USH2A: variants seen among roughly 807,000 people sequenced by gnomAD.
USH2A encodes usherin, also known as Usher syndrome 2A (autosomal recessive, mild).
USH2A carries 443 observed loss-of-function variants against 538.9 expected under a neutral mutation model. The observed-to-expected ratio is 0.82, with a 90% confidence interval of 0.76 to 0.89. USH2A has a LOEUF of 0.89. USH2A is among the 40% of genes least tolerant of loss of function. The pLI is 0.00. For synonymous variants in USH2A, 2,413 were observed against 2,273.5 expected, an observed-to-expected ratio of 1.06 and a Z score of -1.75; for missense variants, 6,633 against 6,324.8, an observed-to-expected ratio of 1.05 and a Z score of -1.65.
chr1:215,991,796 C>G (rs569172735), intron 35 of USH2A, among the ~76,000 whole-genome samples: 1 of 152,284 alleles, frequency 6.6e-6, no homozygotes, highest in Non-Finnish European at 1.5e-5. Flanking sequence ...GGGAAGTGCT[C>G]TACTATGCAA....
At chr1:216,260,811 A>C (rs2102565687) in intron 11 of USH2A, among the ~76,000 whole-genome samples, 1 of 152,282 alleles carries the variant, frequency 6.6e-6, no homozygotes, top group East Asian at 1.9e-4. Context: ...GAAAGGATTA[A>C]GTGAAAGTCT....
chr1:216,228,163 A>G (rs965743731), intron 14 of USH2A, among the ~76,000 whole-genome samples: 17 of 152,158 alleles, frequency 1.1e-4, no homozygotes, highest in African/African-American at 4.1e-4. Flanking sequence ...AATAGCATTC[A>G]TGGGATTAGG....
At position 215,989,032 on chromosome 1, in the gene USH2A, G is replaced by A. The variant is rs546583913; in HGVS notation, c.6805+3988C>T. Reference sequence around the variant, plus strand: ...GTTTCCTAAGCCACGCTGGCCAAAGGCTACCAATTGTTTGATTGGCAAGGA... The same window carrying A: ...GTTTCCTAAGCCACGCTGGCCAAAGACTACCAATTGTTTGATTGGCAAGGA... On this transcript the variant is annotated intron_variant, in intron 35 of 71. Transcript: ENST00000307340. Among the ~76,000 whole-genome samples the A allele has an allele frequency of 2.9e-4, 44 of 152,248 alleles. No individual in the cohort carries two copies. The South Asian group carries it at 8.9e-3, about 31-fold the overall frequency.
intron 15 of USH2A, among the ~76,000 whole-genome samples, chr1:216,212,187 TCA>T (rs1325404534): frequency 3.9e-5 from 6 of 152,180 alleles, no homozygotes; most frequent in Non-Finnish European, 7.3e-5. Context: ...CAAAAGTTCT[TCA>T]CACACAGAGG....
intron 37 of USH2A, among the ~76,000 whole-genome samples, chr1:215,958,896 A>G (rs1189403870): frequency 6.6e-6 from 1 of 152,094 alleles, no homozygotes; most frequent in Non-Finnish European, 1.5e-5. Flanking sequence ...TTGGAAAAAC[A>G]TATGCAGCCA....
intron 38 of USH2A, among the ~76,000 whole-genome samples, chr1:215,927,250 G>A (rs1456027613): frequency 6.6e-6 from 1 of 151,942 alleles, no homozygotes; most frequent in African/African-American, 2.4e-5. Flanking sequence ...AAAGACTTAG[G>A]ATATTACAAA....
At chr1:216,410,605 A>G (rs998486612) in intron 3 of USH2A, among the ~76,000 whole-genome samples, 1 of 152,090 alleles carries the variant, frequency 6.6e-6, no homozygotes, top group African/African-American at 2.4e-5. Flanking sequence ...AAAGTTTCTC[A>G]ATAATGCTAA....
rs571391068 is a variant in USH2A at position 215,885,553 on chromosome 1, C to T, written c.8223+2873G>A. Among the ~76,000 whole-genome samples the T allele has an allele frequency of 5.3e-5, 8 of 152,226 alleles. No homozygotes were observed. The East Asian group carries it at 9.6e-4, about 18-fold the overall frequency. On this transcript the variant is annotated intron_variant, in intron 41 of 71. Coordinates refer to ENST00000307340, the MANE Select transcript of USH2A (RefSeq NM_206933.4). ...GCATGGCTTTCACTTATTCAGGTGA[C>T]ACAACTCTTTGACATTATATATTTA...
At chr1:215,667,542 C>CA (rs909570729) in intron 64 of USH2A, among the ~76,000 whole-genome samples, 1 of 151,320 alleles carries the variant, frequency 6.6e-6, no homozygotes, top group Admixed American at 6.6e-5. Flanking sequence ...ACTAAAAATA[C>CA]AAAAAAAATT....
At chr1:215,809,652 T>A (rs1662607899) in intron 49 of USH2A, among the ~76,000 whole-genome samples, 2 of 152,138 alleles carry the variant, frequency 1.3e-5, no homozygotes, top group Admixed American at 1.3e-4. Flanking sequence ...TTGTTATTCT[T>A]ATCAAAGAAT....
At chr1:215,828,790 A>C (rs540963720) in intron 47 of USH2A, among the ~76,000 whole-genome samples, 6 of 152,310 alleles carry the variant, frequency 3.9e-5, no homozygotes, top group Non-Finnish European at 7.3e-5. Context: ...GCATTTTGGA[A>C]TACTAACAGT....
chr1:216,032,948 T>C (rs143208835), intron 32 of USH2A, among the ~76,000 whole-genome samples: 139 of 152,344 alleles, frequency 9.1e-4, no homozygotes, highest in African/African-American at 3.2e-3. Flanking sequence ...AAAGCCCTAA[T>C]TACGAACCCA....
chr1:216,183,727 C>A (rs530279965), intron 20 of USH2A, among the ~76,000 whole-genome samples: 4 of 152,016 alleles, frequency 2.6e-5, no homozygotes, highest in African/African-American at 9.6e-5. Flanking sequence ...TGGCAATCTG[C>A]GAGCATGCTA....
chr1:216,297,854 T>A (rs1359919203), intron 9 of USH2A, among the ~76,000 whole-genome samples: 1 of 152,162 alleles, frequency 6.6e-6, no homozygotes, highest in Non-Finnish European at 1.5e-5. Flanking sequence ...TATTACTTCT[T>A]CTAGTAGCCC....
At chr1:215,689,185 T>C (rs1368126165) in intron 61 of USH2A, among the ~76,000 whole-genome samples, 1 of 152,174 alleles carries the variant, frequency 6.6e-6, no homozygotes, top group East Asian at 1.9e-4. Context: ...AAGTTCAAGA[T>C]GTCAAGTAGA....
At chr1:215,984,893 T>C (rs1342403110) in intron 35 of USH2A, among the ~76,000 whole-genome samples, 1 of 152,224 alleles carries the variant, frequency 6.6e-6, no homozygotes, top group East Asian at 1.9e-4. Context: ...GTGTGAATAC[T>C]TGATCCTTCA....
At chr1:215,868,293 C>A (rs1045551244) in intron 43 of USH2A, among the ~76,000 whole-genome samples, 1 of 152,196 alleles carries the variant, frequency 6.6e-6, no homozygotes, top group African/African-American at 2.4e-5. Context: ...GAGCATTTTA[C>A]TGCCACCTAG....
chr1:215,759,564 C>A (rs1660918216), intron 57 of USH2A, 96 bp downstream of exon 57: 2 of 1,480,652 alleles, frequency 1.4e-6, no homozygotes, highest in Non-Finnish European at 1.9e-6. Flanking sequence ...GTTAATTAAA[C>A]AATTTAACAA....
intron 61 of USH2A, among the ~76,000 whole-genome samples, chr1:215,711,049 G>A (rs1475939064): frequency 1.3e-5 from 2 of 151,844 alleles, no homozygotes; most frequent in Non-Finnish European, 2.9e-5. Flanking sequence ...TCTGATGTAC[G>A]TTTTGCAATA....
Sources: gnomAD v4.1 joint callset for allele counts (sites outside exome capture counted in the v4.1 genomes callset) on GRCh38, gnomAD v4.1.1 for gene constraint, MANE v1.5 for transcripts, NCBI Gene and HGNC (gene_info 2026-07-23, HGNC 2026-07-21) for gene names.